Variants in TRANK1 observed in about 807,000 individuals in gnomAD.
The protein encoded by TRANK1 is TPR and ankyrin repeat-containing protein 1.
TRANK1 carries 198 observed loss-of-function variants against 266.0 expected under a neutral mutation model. The observed-to-expected ratio is 0.74, with a 90% confidence interval of 0.66 to 0.84. The LOEUF is 0.84. TRANK1 is among the 40% of genes least tolerant of loss of function. The pLI, the probability that TRANK1 is intolerant of heterozygous loss-of-function variation, is 0.00. For synonymous variants in TRANK1, 1,396 were observed against 1,384.1 expected, an observed-to-expected ratio of 1.01 and a Z score of -0.19; for missense variants, 3,326 against 3,634.6, an observed-to-expected ratio of 0.92 and a Z score of 2.18.
intron 1 of TRANK1, among the ~76,000 whole-genome samples, chr3:36,925,936 C>T (rs2080282583): frequency 6.6e-6 from 1 of 152,266 alleles, no homozygotes; most frequent in African/African-American, 2.4e-5. Flanking sequence ...ACTGCAGGCT[C>T]TCAGTAACTC....
rs1458288925 is a variant in TRANK1, at chr3:36,918,544, AAGGAAGGAAGGAAGGAAGGT to A, written c.24-10110_24-10091del. 9.7e-3 allele frequency among the ~76,000 whole-genome samples: 564 copies of A among 58,212 alleles called. 42 individuals carry two copies. Among genetic ancestry groups the A allele is most frequent in the Middle Eastern group, 0.021 (3 of 142 alleles). The allele number at this position is 58,212 out of a possible 152,430, so 38.2% of individuals were successfully genotyped here. A position where few individuals can be genotyped will look rare whatever the true frequency, so the allele number is the denominator to read the frequency against. ...GAAAGAAAGAAAGAAGGAAGGAAGGAAGGAAGGAAGGAAGGAAGGTAGGAAGGAAGGAAGGAAGGAAGGAA... is the reference window on the plus strand; with the variant it reads ...GAAAGAAAGAAAGAAGGAAGGAAGGAAGGAAGGAAGGAAGGAAGGAAGGAA... On this transcript the variant is annotated intron_variant, in intron 1 of 23. Transcript: ENST00000645898.
intron 1 of TRANK1, among the ~76,000 whole-genome samples, chr3:36,911,331 T>C (rs1250415143): frequency 1.3e-5 from 2 of 152,238 alleles, no homozygotes; most frequent in Non-Finnish European, 2.9e-5. Flanking sequence ...ATTTTCTTCC[T>C]TGATTTTCTG....
chr3:36,857,323 A>T lies in TRANK1; in HGVS notation c.2399T>A (p.Leu800His), dbSNP rs2079070874. 2 of 1,608,788 alleles carry T rather than the reference A, an allele frequency of 1.2e-6. No individual in the cohort carries two copies. Among genetic ancestry groups the T allele is most frequent in the African/African-American group, 1.3e-5 (1 of 74,810 alleles). ...CTTCCCCCTGTTATCATCAGGCACAAGCTGCAAGGCCCCAAGGCCCACCTG... is the reference window on the plus strand; with the variant it reads ...CTTCCCCCTGTTATCATCAGGCACATGCTGCAAGGCCCCAAGGCCCACCTG... Reference protein sequence around the residue: ...HAQVGLGALQLVPDDNRGKEG... With the variant: ...HAQVGLGALQHVPDDNRGKEG... Residue 800 changes from leucine to histidine, a missense_variant, in exon 13 of 24, where the codon CTT (leucine) becomes CAT (histidine). Leu to His is a moderately conservative substitution (Grantham distance 99). Transcript: ENST00000645898. This position sits in a 1 kb window ranked among gnomAD's most constrained non-coding sequence, Gnocchi z 4.3.
In TRANK1 at chr3:36,855,667, G is replaced by C. The variant is rs1448987598; in HGVS notation, c.4055C>G (p.Ser1352Cys). 8 of 1,613,794 alleles carry C rather than the reference G, an allele frequency of 5.0e-6. No individual in the cohort carries two copies. The highest frequency in any genetic ancestry group is 6.8e-6 in the Non-Finnish European group (8 of 1,179,858). Residue 1352 changes from serine to cysteine, a missense_variant, in exon 13 of 24, where the codon TCT (serine) becomes TGT (cysteine). By Grantham distance (112) the Ser-to-Cys change is moderately radical. Coordinates refer to ENST00000645898, the MANE Select transcript of TRANK1 (RefSeq NM_001329998.2). ...NPALIWKEIK[S>C]FLKGSFEALS... ...GGCCTCAAAAGAACCCTTTAGAAAA[G>C]ATTTTATTTCTTTCCAAATCAGTGC...
At chr3:36,883,619 A>C (rs989379214) in intron 8 of TRANK1, among the ~76,000 whole-genome samples, 2 of 152,070 alleles carry the variant, frequency 1.3e-5, no homozygotes, top group African/African-American at 4.8e-5. Context: ...GCCTGAAATT[A>C]AAGAAACTGA....
chr3:36,903,124 A>T (rs916865790), intron 3 of TRANK1, 25 bp downstream of exon 3: 3 of 1,533,828 alleles, frequency 2.0e-6, no homozygotes. Flanking sequence ...TCATCTCCCC[A>T]CACCTTCACC....
intron 9 of TRANK1, among the ~76,000 whole-genome samples, chr3:36,865,015 GTTTTTTTGGTTTTTTTTT>G (rs2079194342): frequency 8.1e-6 from 1 of 122,878 alleles, no homozygotes. Context: ...GGGTTTTTTT[GTTTTTTTGGTTTTTTTTT>G]TTTTTTTTTT....
intron 8 of TRANK1, among the ~76,000 whole-genome samples, chr3:36,881,229 A>G (rs1011221140): frequency 5.3e-5 from 8 of 152,088 alleles, no homozygotes; most frequent in Non-Finnish European, 7.3e-5. Flanking sequence ...AGGAGGGCAG[A>G]TCACCTGAGC....
chr3:36,897,042 C>T (rs146572535), intron 4 of TRANK1, among the ~76,000 whole-genome samples: 78 of 152,088 alleles, frequency 5.1e-4, no homozygotes, highest in African/African-American at 1.9e-3. Context: ...TGGCTCAAGG[C>T]TGTAATCCCA....
At chr3:36,863,778 T>C (rs2079175913) in intron 10 of TRANK1, among the ~76,000 whole-genome samples, 1 of 152,224 alleles carries the variant, frequency 6.6e-6, no homozygotes, top group African/African-American at 2.4e-5. Flanking sequence ...CTGCACACCC[T>C]GAGTATTTTA....
chr3:36,918,971 G>A lies in TRANK1; in HGVS notation c.24-10517C>T, dbSNP rs571901210. On this transcript the variant is annotated intron_variant, in intron 1 of 23. Coordinates refer to ENST00000645898, the MANE Select transcript of TRANK1 (RefSeq NM_001329998.2). ...GCAGGCATCACAGGCAGGTGGGTTT[G>A]CAGTATTCAAAGTATAATTTATGTG... Among the ~76,000 whole-genome samples the A allele has an allele frequency of 3.9e-5, 6 of 152,276 alleles. No homozygotes were observed. The South Asian group carries it at 1.2e-3, about 32-fold the overall frequency.
intron 23 of TRANK1, among the ~76,000 whole-genome samples, chr3:36,828,704 C>T (rs2078658563): frequency 6.6e-6 from 1 of 152,170 alleles, no homozygotes; most frequent in Non-Finnish European, 1.5e-5. Context: ...TAGGCTGGTT[C>T]CTCTTGCCCT....
intron 9 of TRANK1, among the ~76,000 whole-genome samples, chr3:36,869,348 CT>C (rs1322600352): frequency 6.6e-6 from 1 of 152,206 alleles, no homozygotes; most frequent in African/African-American, 2.4e-5. Context: ...ATAAGGACCA[CT>C]GTTATCAGCA....
chr3:36,856,943 C>CACACGTGTTCTGCTCCGTGGCAATGAT lies in TRANK1; in HGVS notation c.2752_2778dup (p.Ile918_Cys926dup). On this transcript the variant is annotated inframe_insertion, in exon 13 of 24. Transcript: ENST00000645898. Reference sequence around the variant, plus strand: ...TAGATCCGCCCTGATTTCTCCATTGCACACGTGTTCTGCTCCGTGGCAATG... The same window carrying CACACGTGTTCTGCTCCGTGGCAATGAT: ...TAGATCCGCCCTGATTTCTCCATTGCACACGTGTTCTGCTCCGTGGCAATGATACACGTGTTCTGCTCCGTGGCAATG... 6.3e-7 allele frequency: 1 copy of CACACGTGTTCTGCTCCGTGGCAATGAT among 1,577,118 alleles called. No individual in the cohort carries two copies. The highest frequency in any genetic ancestry group is 8.6e-7 in the Non-Finnish European group (1 of 1,161,950).
intron 15 of TRANK1, chr3:36,850,593 A>G (rs1201327505): frequency 1.3e-6 from 1 of 785,716 alleles, no homozygotes; most frequent in Admixed American, 6.2e-5. Context: ...ACACAGCAAG[A>G]CCATATCTCT....
chr3:36,828,202 C>T lies in TRANK1; in HGVS notation c.*73G>A. ...TGCTAATTCACATTCTTTTTGTCTTCTGCCCCAGCGCTCAGAATTCTAAGT... is the reference window on the plus strand; with the variant it reads ...TGCTAATTCACATTCTTTTTGTCTTTTGCCCCAGCGCTCAGAATTCTAAGT... On this transcript the variant is annotated 3_prime_UTR_variant, in exon 24 of 24. Transcript: ENST00000645898. 4 of 1,110,876 alleles carry T rather than the reference C, an allele frequency of 3.6e-6. No homozygotes were observed. Among genetic ancestry groups the T allele is most frequent in the Non-Finnish European group, 5.3e-6 (4 of 749,850 alleles). The allele number at this position is 1,110,876 out of a possible 1,614,324, so 68.8% of individuals were successfully genotyped here. A position where few individuals can be genotyped will look rare whatever the true frequency, so the allele number is the denominator to read the frequency against.
rs1038751817 is a variant in TRANK1 at position 36,857,188 on chromosome 3, T to C, written c.2534A>G (p.Lys845Arg). The change falls in exon 13 of 24, where the codon AAG (lysine) becomes AGG (arginine). Residue 845 changes from lysine to arginine, a missense_variant. Lys to Arg is a conservative substitution (Grantham distance 26). Coordinates refer to ENST00000645898, the MANE Select transcript of TRANK1 (RefSeq NM_001329998.2). The surrounding 1 kb of genome is among the most constrained non-coding windows in gnomAD (Gnocchi z 4.3). ...EIECTSEMLK[K>R]LSSKVMTKVI... Reference sequence around the variant, plus strand: ...CTTGGTCATTACCTTACTAGACAGCTTCTTCAGCATTTCTGAAGTGCACTC... The same window carrying C: ...CTTGGTCATTACCTTACTAGACAGCCTCTTCAGCATTTCTGAAGTGCACTC... The C allele has an allele frequency of 4.3e-6, 7 of 1,613,848 alleles. No homozygotes were observed. The African/African-American group carries it at 8.0e-5, about 18-fold the overall frequency.
chr3:36,931,234 T>A (rs1385631261), intron 1 of TRANK1, among the ~76,000 whole-genome samples: 2 of 151,286 alleles, frequency 1.3e-5, no homozygotes, highest in Non-Finnish European at 2.9e-5. Context: ...TAAATTAAAG[T>A]GCAGCACCCC....
At chr3:36,844,863 C>T (rs2078894720) in intron 17 of TRANK1, among the ~76,000 whole-genome samples, 1 of 152,038 alleles carries the variant, frequency 6.6e-6, no homozygotes, top group Non-Finnish European at 1.5e-5. Context: ...TCTCCAGCAG[C>T]CAAACTCTGC....
Sources: allele counts gnomAD v4.1 joint callset (sites outside exome capture counted in the v4.1 genomes callset), GRCh38; gene constraint gnomAD v4.1.1; non-coding constraint Gnocchi (gnomAD v3.1); transcripts MANE v1.5; gene names NCBI Gene and HGNC (gene_info 2026-07-23, HGNC 2026-07-21).